Variants in RAB3B observed in about 807,000 individuals in gnomAD.
The protein encoded by RAB3B is ras-related protein Rab-3B.
RAB3B carries 11 observed loss-of-function variants against 20.5 expected under a neutral mutation model. The ratio of observed to expected loss-of-function variants is 0.54; its 90% CI spans 0.34 to 0.89. The LOEUF (loss-of-function observed/expected upper bound fraction) is 0.89. RAB3B is among the 40% of genes least tolerant of loss of function. RAB3B has a pLI of 0.02. For synonymous variants in RAB3B, 99 were observed against 106.3 expected (o/e 0.93, Z 0.42); for missense variants, 225 against 280.9 (o/e 0.80, Z 1.42).
At chr1:51,960,004 C>T (rs569592185) in intron 2 of RAB3B, among the ~76,000 whole-genome samples, 2 of 151,998 alleles carry the variant, frequency 1.3e-5, no homozygotes, top group East Asian at 3.9e-4. Flanking sequence ...GCAGAAAGGG[C>T]CAAGAATGTG....
chr1:51,972,256 G>A (rs1557975980), intron 2 of RAB3B, among the ~76,000 whole-genome samples: 1 of 152,150 alleles, frequency 6.6e-6, no homozygotes, highest in Non-Finnish European at 1.5e-5. Flanking sequence ...GATCTAGAGG[G>A]CCCCAGGTAA....
chr1:51,939,076 A>T (rs1684453705), intron 2 of RAB3B, among the ~76,000 whole-genome samples: 1 of 152,246 alleles, frequency 6.6e-6, no homozygotes, highest in African/African-American at 2.4e-5. Flanking sequence ...AGTAGCTCAT[A>T]GTCTAGTTGG....
chr1:51,947,507 T>G (rs1330169851), intron 2 of RAB3B, among the ~76,000 whole-genome samples: 1 of 152,186 alleles, frequency 6.6e-6, no homozygotes, highest in Non-Finnish European at 1.5e-5. Flanking sequence ...CAAGATCCTC[T>G]GCAGCCTCCC....
intron 2 of RAB3B, among the ~76,000 whole-genome samples, chr1:51,953,475 T>C (rs781154627): frequency 6.6e-6 from 1 of 152,118 alleles, no homozygotes; most frequent in Non-Finnish European, 1.5e-5. Context: ...TTGCAGGTGA[T>C]AAAAGTAAGA....
chr1:51,959,611 C>T (rs536881215), intron 2 of RAB3B, among the ~76,000 whole-genome samples: 7 of 152,204 alleles, frequency 4.6e-5, no homozygotes, highest in Admixed American at 2.0e-4. Flanking sequence ...AAGTGCATCC[C>T]GACTCCCAGC....
chr1:51,972,161 C>T (rs965287652), intron 2 of RAB3B, among the ~76,000 whole-genome samples: 4 of 151,866 alleles, frequency 2.6e-5, no homozygotes, highest in East Asian at 3.9e-4. Context: ...GGCAACCGAG[C>T]GAGACTCTAT....
chr1:51,935,825 A>C (rs1289203139), intron 3 of RAB3B, among the ~76,000 whole-genome samples: 3 of 152,008 alleles, frequency 2.0e-5, no homozygotes. Flanking sequence ...GAGGAGAAAG[A>C]CCCAAGGTAG....
intron 1 of RAB3B, among the ~76,000 whole-genome samples, chr1:51,984,387 CTTT>C (rs949424495): frequency 1.0e-5 from 1 of 98,904 alleles, no homozygotes; most frequent in Admixed American, 1.1e-4. Flanking sequence ...AAGACCAATT[CTTT>C]TTTTTTTTTT....
At chr1:51,972,045 G>A (rs761197538) in intron 2 of RAB3B, among the ~76,000 whole-genome samples, 6 of 152,166 alleles carry the variant, frequency 3.9e-5, no homozygotes, top group African/African-American at 1.2e-4. Context: ...GCCAGGCGTG[G>A]TGGTGTACGC....
At chr1:51,969,463 G>A (rs1684898171) in intron 2 of RAB3B, among the ~76,000 whole-genome samples, 1 of 152,218 alleles carries the variant, frequency 6.6e-6, no homozygotes, top group African/African-American at 2.4e-5. Flanking sequence ...CTTTGACTTT[G>A]AGTGAATGGT....
intron 2 of RAB3B, among the ~76,000 whole-genome samples, chr1:51,950,562 T>C (rs1448264470): frequency 6.7e-6 from 1 of 149,778 alleles, no homozygotes; most frequent in Non-Finnish European, 1.5e-5. Context: ...AGCTCATACA[T>C]ATCACCTCCT....
In RAB3B at chr1:51,937,285, GTC is replaced by G. The variant is rs1684418516; in HGVS notation, c.347+7_347+8del. 6.4e-7 allele frequency: 1 copy of G among 1,573,952 alleles called. No homozygotes were observed. The highest frequency in any genetic ancestry group is 1.4e-5 in the African/African-American group (1 of 73,962). Reference sequence around the variant, plus strand: ...TTGTTAAATGAATGAATGAATATGGGTCTCATACCAGTCTTGGACAGCATTGA... The same window carrying G: ...TTGTTAAATGAATGAATGAATATGGGTCATACCAGTCTTGGACAGCATTGA... On this transcript the variant is annotated splice_region_variant and intron_variant, in intron 3 of 4. Coordinates refer to ENST00000371655, the MANE Select transcript of RAB3B (RefSeq NM_002867.4).
At chr1:51,922,944 G>A (rs541241124) in intron 4 of RAB3B, among the ~76,000 whole-genome samples, 3 of 152,174 alleles carry the variant, frequency 2.0e-5, no homozygotes, top group East Asian at 1.9e-4. Context: ...TGATCTGCCC[G>A]CCTCGGTCTC....
At chr1:51,960,004 C>A (rs569592185) in intron 2 of RAB3B, among the ~76,000 whole-genome samples, 1 of 151,880 alleles carries the variant, frequency 6.6e-6, no homozygotes, top group Non-Finnish European at 1.5e-5. Flanking sequence ...GCAGAAAGGG[C>A]CAAGAATGTG....
At chr1:51,931,062 T>C (rs772221493) in intron 4 of RAB3B, among the ~76,000 whole-genome samples, 17 of 152,162 alleles carry the variant, frequency 1.1e-4, no homozygotes, top group Non-Finnish European at 2.2e-4. Flanking sequence ...GCTGGTATAT[T>C]TTTTTCTAAT....
At position 51,964,788 on chromosome 1, in the gene RAB3B, G is replaced by A. The variant is rs188561457; in HGVS notation, c.228+12102C>T. On this transcript the variant is annotated intron_variant, in intron 2 of 4. Transcript: ENST00000371655. ...AAATCTGACTACTCTCACTACTACC[G>A]CTACTACCTCCCTAGTTCAAGCCAC... is the stretch of plus-strand genomic sequence containing the variant. Among the ~76,000 whole-genome samples, 35 of 152,092 alleles carry A rather than the reference G, an allele frequency of 2.3e-4. No homozygotes were observed. In the South Asian group the frequency reaches 6.9e-3, roughly 30 times the overall value.
rs1293845644 is a variant in RAB3B at position 51,919,029 on chromosome 1, T to C, written c.*898A>G. The C allele has an allele frequency of 6.7e-6, 1 of 148,532 alleles. No individual in the cohort carries two copies. The highest frequency in any genetic ancestry group is 1.5e-5 in the Non-Finnish European group (1 of 67,378). The allele number at this position is 148,532 out of a possible 1,614,324, so 9.2% of individuals were successfully genotyped here. A position where few individuals can be genotyped will look rare whatever the true frequency, so the allele number is the denominator to read the frequency against. On this transcript the variant is annotated 3_prime_UTR_variant, in exon 5 of 5. Transcript: ENST00000371655. ...TCTCGCTCTGTCGCCCAGGCCGGAC[T>C]GCGGACTGCAGTGGCGCAATCTCGG...
At chr1:51,942,642 C>T (rs1315867123) in intron 2 of RAB3B, among the ~76,000 whole-genome samples, 1 of 152,122 alleles carries the variant, frequency 6.6e-6, no homozygotes, top group Admixed American at 6.5e-5. Flanking sequence ...GGGCAACTTA[C>T]CTATTGGAGC....
chr1:51,960,426 A>G (rs1684770217), intron 2 of RAB3B, among the ~76,000 whole-genome samples: 1 of 152,146 alleles, frequency 6.6e-6, no homozygotes, highest in Non-Finnish European at 1.5e-5. Context: ...CGTCATTAGC[A>G]CAGAGCTGAC....
Sources: gnomAD v4.1 joint callset for allele counts (sites outside exome capture counted in the v4.1 genomes callset) on GRCh38, gnomAD v4.1.1 for gene constraint, MANE v1.5 for transcripts, NCBI Gene and HGNC (gene_info 2026-07-23, HGNC 2026-07-21) for gene names.